GALNTL6: variants seen among roughly 807,000 people sequenced by gnomAD.
GALNTL6 encodes the protein polypeptide N-acetylgalactosaminyltransferase like 6.
Under a neutral mutation model 73.7 loss-of-function variants are expected in GALNTL6, and 46 were observed. The observed-to-expected ratio is 0.62, with a 90% CI of 0.49 to 0.80. GALNTL6 has a LOEUF of 0.80. Among genes scored for constraint, GALNTL6 ranks in the 30% least tolerant of loss-of-function variants. The pLI is 0.00. For missense variants in GALNTL6, 604 were observed against 755.0 expected, an observed-to-expected ratio of 0.80 and a Z score of 2.34; for synonymous variants, 259 against 263.7, an observed-to-expected ratio of 0.98 and a Z score of 0.17.
rs1561115088 is a variant in GALNTL6 at position 172,506,149 on chromosome 4, G to C, written c.553+157460G>C. Among the ~76,000 whole-genome samples the C allele has an allele frequency of 3.7e-5, 2 of 53,838 alleles. 1 individual carries two copies. The highest frequency in any genetic ancestry group is 9.4e-5 in the African/African-American group (2 of 21,384). 35.3% of individuals were successfully genotyped at this position (53,838 alleles called of 152,430 possible). A position where few individuals can be genotyped will look rare whatever the true frequency, so the allele number is the denominator to read the frequency against. ...ATATGGATAACAACCTGAACATTAC[G>C]AGACATTAAGTTTTCCCTCTGAGAT... On this transcript the variant is annotated intron_variant, in intron 5 of 12. Coordinates refer to ENST00000506823, the MANE Select transcript of GALNTL6 (RefSeq NM_001034845.3).
In GALNTL6 at chr4:172,775,362, G is replaced by GT. The variant is rs143567579; in HGVS notation, c.554-33995dup. On this transcript the variant is annotated intron_variant, in intron 5 of 12. Coordinates refer to ENST00000506823, the MANE Select transcript of GALNTL6 (RefSeq NM_001034845.3). ...TATACCTAAGAAGATTTACTAATGTGTTTTCAAAAATGTAACTGCACCATT... is the reference window on the plus strand; with the variant it reads ...TATACCTAAGAAGATTTACTAATGTGTTTTTCAAAAATGTAACTGCACCATT... Among the ~76,000 whole-genome samples the GT allele has an allele frequency of 4.2e-3, 636 of 152,276 alleles. 3 individuals are homozygous for GT. Among genetic ancestry groups the GT allele is most frequent in the Middle Eastern group, 0.01 (3 of 294 alleles).
intron 5 of GALNTL6, among the ~76,000 whole-genome samples, chr4:172,710,949 T>C (rs949865142): frequency 1.3e-5 from 2 of 152,134 alleles, no homozygotes; most frequent in Admixed American, 1.3e-4. Context: ...CCAGGCACTC[T>C]TATAGGTACT....
At chr4:172,404,838 G>A (rs1388524028) in intron 5 of GALNTL6, among the ~76,000 whole-genome samples, 1 of 152,010 alleles carries the variant, frequency 6.6e-6, no homozygotes, top group East Asian at 1.9e-4. Context: ...CTCTAAATCA[G>A]CCTGATTGTG....
intron 5 of GALNTL6, among the ~76,000 whole-genome samples, chr4:172,527,046 A>G (rs776766814): frequency 1.3e-5 from 2 of 152,194 alleles, no homozygotes; most frequent in Non-Finnish European, 2.9e-5. Flanking sequence ...ATTTTGATGG[A>G]TATCTAGCCC....
rs550434577 is a variant in GALNTL6, at chr4:172,761,555, T to C, written c.554-47806T>C. On this transcript the variant is annotated intron_variant, in intron 5 of 12. Transcript: ENST00000506823. The stretch of plus-strand genomic sequence containing the variant: ...CCCATGTGTTGAAGGAGGAGTCTCA[T>C]GGGAGGTAACTGGATTATGGGGATG... 3.2e-4 allele frequency among the ~76,000 whole-genome samples: 48 copies of C among 152,288 alleles called. 1 individual carries two copies. In the South Asian group the frequency reaches 5.2e-3, roughly 16 times the overall value.
At chr4:172,410,775 G>A (rs1744402530) in intron 5 of GALNTL6, among the ~76,000 whole-genome samples, 1 of 151,942 alleles carries the variant, frequency 6.6e-6, no homozygotes, top group Non-Finnish European at 1.5e-5. Context: ...ATTGTACTGG[G>A]CTTTTTTATT....
At chr4:172,914,220 G>C (rs1336130036) in intron 8 of GALNTL6, among the ~76,000 whole-genome samples, 1 of 152,126 alleles carries the variant, frequency 6.6e-6, no homozygotes, top group Non-Finnish European at 1.5e-5. Flanking sequence ...TCACCACCAG[G>C]CCTGCCTTAC....
At chr4:171,857,862 G>A (rs143079236) in intron 2 of GALNTL6, among the ~76,000 whole-genome samples, 78 of 152,228 alleles carry the variant, frequency 5.1e-4, no homozygotes, top group Admixed American at 1.9e-3. Context: ...ATAAGGACAT[G>A]GGAAACTCTA....
At chr4:172,736,692 T>C (rs1240859737) in intron 5 of GALNTL6, among the ~76,000 whole-genome samples, 1 of 152,240 alleles carries the variant, frequency 6.6e-6, no homozygotes, top group Non-Finnish European at 1.5e-5. Context: ...TGTTCAGAGA[T>C]TGCAGTAAAG....
At chr4:172,154,618 C>G (rs1734199924) in intron 2 of GALNTL6, among the ~76,000 whole-genome samples, 1 of 152,164 alleles carries the variant, frequency 6.6e-6, no homozygotes, top group South Asian at 2.1e-4. Context: ...AGGAAATTTT[C>G]TTTTTGCTGG....
At chr4:172,014,630 G>T (rs994073206) in intron 2 of GALNTL6, among the ~76,000 whole-genome samples, 1 of 151,890 alleles carries the variant, frequency 6.6e-6, no homozygotes, top group African/African-American at 2.4e-5. Flanking sequence ...GTTACTTGAG[G>T]TGTGGCGTCA....
chr4:172,162,044 C>T (rs949416180), intron 2 of GALNTL6, among the ~76,000 whole-genome samples: 1 of 151,938 alleles, frequency 6.6e-6, no homozygotes, highest in African/African-American at 2.4e-5. Flanking sequence ...TCAACGAAGT[C>T]GTACAATGTA....
At chr4:172,151,938 ATATCTATCTATC>A (rs10528560) in intron 2 of GALNTL6, among the ~76,000 whole-genome samples, 42,248 of 146,378 alleles carry the variant, frequency 0.29, 6,608 homozygotes, top group Admixed American at 0.35. Flanking sequence ...ATATAAATTT[ATATCTATCTATC>A]TATCTATCTA....
intron 3 of GALNTL6, among the ~76,000 whole-genome samples, chr4:172,235,784 G>T (rs1266886949): frequency 6.6e-6 from 1 of 151,980 alleles, no homozygotes; most frequent in African/African-American, 2.4e-5. Context: ...TTCAACACTT[G>T]CCCACTTCAC....
chr4:172,199,303 A>T (rs527749559), intron 2 of GALNTL6, among the ~76,000 whole-genome samples: 1 of 152,214 alleles, frequency 6.6e-6, no homozygotes, highest in African/African-American at 2.4e-5. Flanking sequence ...TATACAAAAA[A>T]TGCTTAGTGA....
chr4:172,600,989 C>T lies in GALNTL6; in HGVS notation c.554-208372C>T, dbSNP rs551374520. Reference sequence around the variant, plus strand: ...CCCAAAAACAAAAACAAAAAAAAATCAATAGGAACAAAACCAGAAATGATT... The same window carrying T: ...CCCAAAAACAAAAACAAAAAAAAATTAATAGGAACAAAACCAGAAATGATT... On this transcript the variant is annotated intron_variant, in intron 5 of 12. Coordinates refer to ENST00000506823, the MANE Select transcript of GALNTL6 (RefSeq NM_001034845.3). Among the ~76,000 whole-genome samples the T allele has an allele frequency of 3.7e-4, 56 of 151,496 alleles. 1 individual carries two copies. Among genetic ancestry groups the T allele is most frequent in the South Asian group, 1.9e-3 (9 of 4,796 alleles).
At chr4:172,410,043 G>C (rs1744375606) in intron 5 of GALNTL6, among the ~76,000 whole-genome samples, 1 of 151,762 alleles carries the variant, frequency 6.6e-6, no homozygotes, top group African/African-American at 2.4e-5. Flanking sequence ...AATTATTCTA[G>C]AATACTCATA....
chr4:171,995,673 C>A (rs1740465370), intron 2 of GALNTL6, among the ~76,000 whole-genome samples: 1 of 151,730 alleles, frequency 6.6e-6, no homozygotes, highest in South Asian at 2.1e-4. Flanking sequence ...TTGGCAGATG[C>A]AATTATGAAG....
intron 8 of GALNTL6, among the ~76,000 whole-genome samples, chr4:172,909,599 A>G (rs1268444954): frequency 1.3e-5 from 2 of 152,132 alleles, no homozygotes; most frequent in African/African-American, 2.4e-5. Flanking sequence ...TTTTTCACTT[A>G]TCAGATTTGC....
Sources: allele counts gnomAD v4.1 joint callset (sites outside exome capture counted in the v4.1 genomes callset), GRCh38; gene constraint gnomAD v4.1.1; transcripts MANE v1.5; gene names NCBI Gene and HGNC (gene_info 2026-07-23, HGNC 2026-07-21).